Variants in ERO1A observed in about 807,000 individuals in gnomAD.
ERO1A encodes the protein ERO1-like protein alpha.
ERO1A carries 49 observed loss-of-function variants against 76.9 expected under a neutral mutation model. The ratio of observed to expected loss-of-function variants is 0.64; its 90% CI spans 0.51 to 0.81. ERO1A has a LOEUF of 0.81. Ranked by LOEUF, ERO1A falls within the 30% of genes least tolerant of loss-of-function variation. The pLI is 0.00. For synonymous variants in ERO1A, 174 were observed against 181.2 expected (o/e 0.96, Z 0.32); for missense variants, 448 against 542.1 (o/e 0.83, Z 1.72).
intron 11 of ERO1A, among the ~76,000 whole-genome samples, chr14:52,657,304 G>A (rs762225630): frequency 1.2e-4 from 18 of 152,160 alleles, no homozygotes; most frequent in Non-Finnish European, 2.6e-4. Context: ...ACTTTTTCCT[G>A]GGCAAAGCCA....
chr14:52,679,454 C>T (rs1300639433), intron 3 of ERO1A, among the ~76,000 whole-genome samples: 1 of 151,298 alleles, frequency 6.6e-6, no homozygotes, highest in Non-Finnish European at 1.5e-5. Flanking sequence ...CACTCTGTTG[C>T]CCAGGCTGGA....
intron 1 of ERO1A, among the ~76,000 whole-genome samples, chr14:52,688,563 T>A (rs1221577305): frequency 6.6e-6 from 1 of 152,198 alleles, no homozygotes; most frequent in African/African-American, 2.4e-5. Context: ...ATGCTTCCAA[T>A]GAAAGGGAAG....
intron 9 of ERO1A, chr14:52,658,370 A>G: frequency 2.0e-6 from 1 of 497,136 alleles, no homozygotes. Flanking sequence ...AGGCTTTAGC[A>G]TTGCCTTAGG....
chr14:52,666,621 C>T lies in ERO1A; in HGVS notation c.509-126G>A, dbSNP rs570138378. ...TAACAATGTGTCAGGAATTTTAAAA[C>T]AACTTTTCAGGAGAAACAAAGGAAG... On this transcript the variant is annotated intron_variant, in intron 6 of 15. Transcript: ENST00000395686. 11 of 921,836 alleles carry T rather than the reference C, an allele frequency of 1.2e-5. No homozygotes were observed. In the East Asian group the frequency reaches 3.3e-4, roughly 27 times the overall value. The allele number at this position is 921,836 out of a possible 1,614,324, so 57.1% of individuals were successfully genotyped here.
chr14:52,686,142 G>A (rs1450824919), intron 1 of ERO1A, among the ~76,000 whole-genome samples: 2 of 152,096 alleles, frequency 1.3e-5, no homozygotes, highest in South Asian at 2.1e-4. Context: ...AACCCAAAAC[G>A]CAGAGGTTGC....
intron 1 of ERO1A, among the ~76,000 whole-genome samples, chr14:52,687,271 C>T (rs1003453703): frequency 2.0e-5 from 3 of 151,066 alleles, no homozygotes; most frequent in Admixed American, 6.6e-5. Context: ...ACTAAAACTA[C>T]AAAAAAAAAT....
chr14:52,676,376 T>G (rs1399350124), intron 4 of ERO1A, among the ~76,000 whole-genome samples: 1 of 152,158 alleles, frequency 6.6e-6, no homozygotes, highest in Non-Finnish European at 1.5e-5. Context: ...ACCATGTAAT[T>G]TCACAGGTTT....
At chr14:52,689,332 C>A (rs1000113116) in intron 1 of ERO1A, among the ~76,000 whole-genome samples, 8 of 152,070 alleles carry the variant, frequency 5.3e-5, no homozygotes, top group South Asian at 2.1e-4. Context: ...TAAAAGGTAT[C>A]CAAATAAAAA....
chr14:52,668,672 A>ATTTG (rs1042890819), intron 6 of ERO1A, among the ~76,000 whole-genome samples: 1 of 151,284 alleles, frequency 6.6e-6, no homozygotes, highest in Admixed American at 6.6e-5. Context: ...AGAGATAAAC[A>ATTTG]TTTGTTGCCT....
At chr14:52,663,452 T>C (rs2040294792) in intron 8 of ERO1A, among the ~76,000 whole-genome samples, 1 of 151,746 alleles carries the variant, frequency 6.6e-6, no homozygotes, top group Admixed American at 6.6e-5. Context: ...ACAAAAAAAT[T>C]TGCTGGGCGT....
intron 4 of ERO1A, 47 bp downstream of exon 4, chr14:52,678,387 A>C: frequency 6.5e-7 from 1 of 1,546,674 alleles, no homozygotes; most frequent in Non-Finnish European, 8.9e-7. Flanking sequence ...GGGTTTTTCA[A>C]GTTTTTCATT....
intron 6 of ERO1A, among the ~76,000 whole-genome samples, chr14:52,666,767 C>T (rs1241181593): frequency 2.0e-5 from 3 of 152,112 alleles, no homozygotes; most frequent in Non-Finnish European, 2.9e-5. Context: ...CCTGTCTCTA[C>T]TAAAAATACA....
chr14:52,660,604 A>G (rs1435241337), intron 9 of ERO1A, among the ~76,000 whole-genome samples: 1 of 152,162 alleles, frequency 6.6e-6, no homozygotes, highest in African/African-American at 2.4e-5. Context: ...AGACTTTAGT[A>G]TTCTGTTATT....
At chr14:52,662,305 C>T (rs1248297941) in intron 8 of ERO1A, among the ~76,000 whole-genome samples, 2 of 152,156 alleles carry the variant, frequency 1.3e-5, no homozygotes, top group Admixed American at 1.3e-4. Context: ...AAATCAATGG[C>T]TTCCACTGAG....
chr14:52,651,918 T>G (rs972667317), intron 13 of ERO1A, among the ~76,000 whole-genome samples: 2 of 151,988 alleles, frequency 1.3e-5, no homozygotes, highest in Non-Finnish European at 2.9e-5. Flanking sequence ...TTTGTACCCA[T>G]GGATCAACAT....
At chr14:52,683,721 T>C (rs2041076294) in intron 2 of ERO1A, 67 bp downstream of exon 2, 2 of 721,602 alleles carry the variant, frequency 2.8e-6, no homozygotes, top group South Asian at 6.6e-5. Flanking sequence ...TGAAGCTCAG[T>C]AATTCTTAAG....
chr14:52,665,313 A>AC (rs1241249576), intron 7 of ERO1A, among the ~76,000 whole-genome samples: 8 of 151,826 alleles, frequency 5.3e-5, no homozygotes, highest in Admixed American at 3.3e-4. Flanking sequence ...AAAAAAAAAA[A>AC]ACCTTTAAAG....
chr14:52,655,109 G>A (rs2040000026), intron 11 of ERO1A, among the ~76,000 whole-genome samples: 1 of 152,192 alleles, frequency 6.6e-6, no homozygotes, highest in South Asian at 2.1e-4. Flanking sequence ...GCTCACAACT[G>A]TAATCCCAGC....
At chr14:52,693,195 T>C (rs185524662) in intron 1 of ERO1A, among the ~76,000 whole-genome samples, 139 of 152,206 alleles carry the variant, frequency 9.1e-4, no homozygotes, top group East Asian at 1.7e-3. Context: ...GATGCAATCA[T>C]GGCTTACTGC....
Sources: allele counts gnomAD v4.1 joint callset (sites outside exome capture counted in the v4.1 genomes callset), GRCh38; gene constraint gnomAD v4.1.1; transcripts MANE v1.5; gene names NCBI Gene and HGNC (gene_info 2026-07-23, HGNC 2026-07-21).